Variants in CSMD1 observed in about 807,000 individuals in gnomAD.
CSMD1 encodes the protein CUB and sushi domain-containing protein 1.
A neutral mutation model predicts 417.5 loss-of-function variants in CSMD1; 213 were observed. That is an observed-to-expected ratio of 0.51 (90% confidence interval 0.46 to 0.57). The LOEUF (loss-of-function observed/expected upper bound fraction) is 0.57, where lower values mean the gene tolerates loss of function less well. CSMD1 is among the 20% of genes least tolerant of loss of function. CSMD1 has a pLI of 0.00. For missense variants in CSMD1, 6,923 were observed against 4,529.7 expected, an observed-to-expected ratio of 1.53 and a Z score of -15.17; for synonymous variants, 2,862 against 1,736.8, an observed-to-expected ratio of 1.65 and a Z score of -16.11.
intron 22 of CSMD1, among the ~76,000 whole-genome samples, chr8:3,344,936 T>C (rs987442102): frequency 9.2e-5 from 14 of 152,166 alleles, no homozygotes; most frequent in African/African-American, 2.9e-4. Context: ...GTAAAAACCA[T>C]TATTTGGTTT....
At chr8:3,879,017 G>C (rs187021290) in intron 5 of CSMD1, among the ~76,000 whole-genome samples, 231 of 152,224 alleles carry the variant, frequency 1.5e-3, no homozygotes, top group Middle Eastern at 6.8e-3. Context: ...TAATAATTTA[G>C]TATATTTTAC....
chr8:4,208,767 G>T (rs1046425142), intron 3 of CSMD1, among the ~76,000 whole-genome samples: 2 of 152,176 alleles, frequency 1.3e-5, no homozygotes, highest in African/African-American at 2.4e-5. Context: ...TGGAAATTTT[G>T]TATTACAGAA....
rs1404634828 is a variant in CSMD1, at chr8:4,764,887, A to C, written c.86-127329T>G. Among the ~76,000 whole-genome samples the C allele has an allele frequency of 1.4e-4, 6 of 43,668 alleles. No homozygotes were observed. In the South Asian group the frequency reaches 5.6e-3, roughly 41 times the overall value. The allele number at this position is 43,668 out of a possible 152,430, so 28.6% of individuals were successfully genotyped here. A position where few individuals can be genotyped will look rare whatever the true frequency, so the allele number is the denominator to read the frequency against. On this transcript the variant is annotated intron_variant, in intron 1 of 69. Transcript: ENST00000635120. ...GACTCCATCTCAAAAAAAAAAAAAA[A>C]AAAAAAACAACAACAACAAAAAAAA...
chr8:4,509,697 C>T (rs1381827231), intron 2 of CSMD1, among the ~76,000 whole-genome samples: 1 of 151,072 alleles, frequency 6.6e-6, no homozygotes, highest in Non-Finnish European at 1.5e-5. Flanking sequence ...TGATAATAGA[C>T]ACTTTTGACA....
At chr8:3,494,066 G>C (rs761102885) in intron 10 of CSMD1, among the ~76,000 whole-genome samples, 1 of 152,140 alleles carries the variant, frequency 6.6e-6, no homozygotes, top group Non-Finnish European at 1.5e-5. Flanking sequence ...CAAAAGAAAT[G>C]TTGGTTATAG....
At chr8:4,984,613 A>G (rs1043218327) in intron 1 of CSMD1, among the ~76,000 whole-genome samples, 1 of 152,130 alleles carries the variant, frequency 6.6e-6, no homozygotes, top group African/African-American at 2.4e-5. Context: ...CTCCTCCATT[A>G]TTTGACATAG....
chr8:3,688,310 T>A (rs1800051198), intron 7 of CSMD1, among the ~76,000 whole-genome samples: 1 of 152,282 alleles, frequency 6.6e-6, no homozygotes, highest in South Asian at 2.1e-4. Flanking sequence ...AAGGACCAAT[T>A]TTAAATGTGC....
At position 4,722,857 on chromosome 8, in the gene CSMD1, T is replaced by C. The variant is rs143566398; in HGVS notation, c.86-85299A>G. Among the ~76,000 whole-genome samples the C allele has an allele frequency of 2.6e-4, 39 of 152,252 alleles. No homozygotes were observed. In the East Asian group the frequency reaches 6.0e-3, roughly 23 times the overall value. On this transcript the variant is annotated intron_variant, in intron 1 of 69. Coordinates refer to ENST00000635120, the MANE Select transcript of CSMD1 (RefSeq NM_033225.6). Reference sequence around the variant, plus strand: ...ACTACTGGAATGACACTGCTTTAGATATCTCAACAAAAAAAGATTTCTCCT... The same window carrying C: ...ACTACTGGAATGACACTGCTTTAGACATCTCAACAAAAAAAGATTTCTCCT...
intron 39 of CSMD1, among the ~76,000 whole-genome samples, chr8:3,156,994 A>C: frequency 6.6e-6 from 1 of 151,540 alleles, no homozygotes; most frequent in South Asian, 2.1e-4. Context: ...GACAAAAAAA[A>C]AAAAAAAAAA....
intron 1 of CSMD1, among the ~76,000 whole-genome samples, chr8:4,966,518 T>A (rs559043195): frequency 7.2e-5 from 11 of 152,250 alleles, no homozygotes; most frequent in Admixed American, 6.5e-4. Context: ...GCTGCAGACA[T>A]CTGAAACCCA....
intron 3 of CSMD1, among the ~76,000 whole-genome samples, chr8:4,033,009 G>A (rs527620096): frequency 3.3e-5 from 5 of 151,982 alleles, no homozygotes; most frequent in East Asian, 3.9e-4. Flanking sequence ...GCTACCTGGA[G>A]GCTTTGTATG....
chr8:4,544,549 T>G (rs570808933), intron 2 of CSMD1, among the ~76,000 whole-genome samples: 1 of 152,230 alleles, frequency 6.6e-6, no homozygotes, highest in African/African-American at 2.4e-5. Context: ...CTTATAAGGC[T>G]TTAGAGGACA....
intron 5 of CSMD1, among the ~76,000 whole-genome samples, chr8:3,826,761 G>C (rs554510782): frequency 6.6e-6 from 1 of 152,072 alleles, no homozygotes; most frequent in Non-Finnish European, 1.5e-5. Context: ...TCACTTATAA[G>C]CATTGAACAT....
At chr8:3,612,373 T>C (rs1301598178) in intron 8 of CSMD1, among the ~76,000 whole-genome samples, 15 of 151,726 alleles carry the variant, frequency 9.9e-5, no homozygotes, top group Admixed American at 9.9e-4. Flanking sequence ...TTTAGATAAA[T>C]CTCTCTCAAT....
At chr8:4,078,661 T>A (rs919570592) in intron 3 of CSMD1, among the ~76,000 whole-genome samples, 15 of 151,478 alleles carry the variant, frequency 9.9e-5, no homozygotes, top group Non-Finnish European at 1.6e-4. Context: ...ACTATCCTTT[T>A]GAGAAAAAAC....
rs578056486 is a variant in CSMD1, at chr8:3,064,754, G to A, written c.7475-12107C>T. 3.3e-5 allele frequency among the ~76,000 whole-genome samples: 5 copies of A among 152,280 alleles called. No homozygotes were observed. The South Asian group carries it at 1.0e-3, about 32-fold the overall frequency. On this transcript the variant is annotated intron_variant, in intron 49 of 69. Coordinates refer to ENST00000635120, the MANE Select transcript of CSMD1 (RefSeq NM_033225.6). Reference sequence around the variant, plus strand: ...TGGTTTTGCAAGAAATGCTTTATGGGTTCTTTCCGAAAATGTGATTCTGAT... The same window carrying A: ...TGGTTTTGCAAGAAATGCTTTATGGATTCTTTCCGAAAATGTGATTCTGAT...
intron 2 of CSMD1, among the ~76,000 whole-genome samples, chr8:4,484,220 T>C (rs193053841): frequency 2.0e-5 from 3 of 151,986 alleles, no homozygotes; most frequent in Non-Finnish European, 1.5e-5. Flanking sequence ...AAAAAAACCT[T>C]GCTTTCTGAT....
intron 62 of CSMD1, among the ~76,000 whole-genome samples, chr8:2,958,255 A>T (rs1395136667): frequency 6.6e-6 from 1 of 152,180 alleles, no homozygotes; most frequent in Non-Finnish European, 1.5e-5. Context: ...CTGATGCTTC[A>T]AACTGTACAA....
chr8:3,634,056 A>G (rs967902871), intron 7 of CSMD1, among the ~76,000 whole-genome samples: 1 of 151,402 alleles, frequency 6.6e-6, no homozygotes, highest in South Asian at 2.1e-4. Context: ...CTGACTCAGC[A>G]CATCTGGGTA....
Sources: allele counts gnomAD v4.1 joint callset (sites outside exome capture counted in the v4.1 genomes callset), GRCh38; gene constraint gnomAD v4.1.1; transcripts MANE v1.5; gene names NCBI Gene and HGNC (gene_info 2026-07-23, HGNC 2026-07-21).